Variants in CHL1 observed in about 807,000 individuals in gnomAD.
CHL1 encodes cell adhesion molecule L1 like.
CHL1 carries 96 observed loss-of-function variants against 141.9 expected under a neutral mutation model. That is an observed-to-expected ratio of 0.68 (90% CI 0.57 to 0.80). The LOEUF (loss-of-function observed/expected upper bound fraction) is 0.80, where lower values mean the gene tolerates loss of function less well. CHL1 is among the 30% of genes least tolerant of loss of function. The probability of loss-of-function intolerance (pLI) is 0.00; values close to 1 mark genes in which losing one functional copy is unlikely to be tolerated. For missense variants in CHL1, 1,820 were observed against 1,457.2 expected (o/e 1.25, Z -4.05); for synonymous variants, 613 against 502.2 (o/e 1.22, Z -2.95).
At chr3:279,444 T>A (rs976763516) in intron 2 of CHL1, among the ~76,000 whole-genome samples, 29 of 152,330 alleles carry the variant, frequency 1.9e-4, no homozygotes, top group African/African-American at 6.7e-4. Flanking sequence ...AAAATTCATA[T>A]ACAGCAAAGA....
chr3:322,653 T>G (rs1227186199), intron 3 of CHL1, among the ~76,000 whole-genome samples: 1 of 104,572 alleles, frequency 9.6e-6, no homozygotes, highest in East Asian at 4.5e-4. Flanking sequence ...AAAATATATA[T>G]ATATATATAT....
chr3:265,993 C>T (rs1345646096), intron 2 of CHL1, among the ~76,000 whole-genome samples: 3 of 152,200 alleles, frequency 2.0e-5, no homozygotes, highest in Non-Finnish European at 4.4e-5. Context: ...GGTTCTTAGT[C>T]TGTGTGGCTA....
intron 15 of CHL1, among the ~76,000 whole-genome samples, chr3:374,349 C>T (rs1706029232): frequency 6.6e-6 from 1 of 152,148 alleles, no homozygotes; most frequent in Non-Finnish European, 1.5e-5. Flanking sequence ...GGTTAGGTCT[C>T]CGCTGATCTG....
chr3:299,926 G>A (rs1186046055), intron 2 of CHL1, among the ~76,000 whole-genome samples: 1 of 152,184 alleles, frequency 6.6e-6, no homozygotes, highest in Non-Finnish European at 1.5e-5. Context: ...CATCGAGATT[G>A]CAGCTCCTGG....
At chr3:224,599 G>T (rs1008412800) in intron 1 of CHL1, among the ~76,000 whole-genome samples, 2 of 152,066 alleles carry the variant, frequency 1.3e-5, no homozygotes, top group African/African-American at 2.4e-5. Context: ...CTTCTACCAC[G>T]AGTAAAAACT....
chr3:238,339 C>A lies in CHL1; in HGVS notation c.-174-6274C>A, dbSNP rs113232106. On this transcript the variant is annotated intron_variant, in intron 1 of 27. Transcript: ENST00000256509. The stretch of plus-strand genomic sequence containing the variant: ...TGACTAAAAGCTGAGGTGCTCACAG[C>A]CTTTTCTAGCAATTTAAAAAATCAC... 8.6e-5 allele frequency among the ~76,000 whole-genome samples: 13 copies of A among 151,712 alleles called. No individual in the cohort carries two copies. In the South Asian group the frequency reaches 2.3e-3, roughly 27 times the overall value.
At chr3:200,951 G>A (rs1698870602) in intron 1 of CHL1, among the ~76,000 whole-genome samples, 1 of 152,204 alleles carries the variant, frequency 6.6e-6, no homozygotes, top group Non-Finnish European at 1.5e-5. Flanking sequence ...TCGCAATAGT[G>A]TAGTTAGTTA....
At chr3:402,294 A>C (rs1402092070) in intron 27 of CHL1, among the ~76,000 whole-genome samples, 1 of 152,236 alleles carries the variant, frequency 6.6e-6, no homozygotes, top group Non-Finnish European at 1.5e-5. Flanking sequence ...CACTGGACAG[A>C]GGATGACCAA....
In CHL1 at chr3:237,736, C is replaced by T. The variant is rs113852733; in HGVS notation, c.-174-6877C>T. ...ACCCACATTAAAGGTACTTGTATTA[C>T]GTGAGATTATACTAAATTATTAAAT... On this transcript the variant is annotated intron_variant, in intron 1 of 27. Transcript: ENST00000256509. Among the ~76,000 whole-genome samples, 518 of 152,138 alleles carry T rather than the reference C, an allele frequency of 3.4e-3. 6 individuals are homozygous for T. The highest frequency in any genetic ancestry group is 0.012 in the African/African-American group (499 of 41,516).
At chr3:273,910 G>A (rs1178478803) in intron 2 of CHL1, among the ~76,000 whole-genome samples, 3 of 152,044 alleles carry the variant, frequency 2.0e-5, no homozygotes, top group South Asian at 2.1e-4. Flanking sequence ...ATTTGACCAC[G>A]CCATAATTCT....
intron 1 of CHL1, among the ~76,000 whole-genome samples, chr3:206,010 A>G (rs751689841): frequency 6.6e-6 from 1 of 152,110 alleles, no homozygotes; most frequent in Non-Finnish European, 1.5e-5. Context: ...AGGATTCTCC[A>G]GCTATGGTCT....
At chr3:207,967 A>T (rs534248082) in intron 1 of CHL1, among the ~76,000 whole-genome samples, 33 of 152,200 alleles carry the variant, frequency 2.2e-4, no homozygotes, top group Non-Finnish European at 4.3e-4. Flanking sequence ...ATTGGATTTG[A>T]CCTTAACCAC....
chr3:267,865 C>A (rs1444104404), intron 2 of CHL1, among the ~76,000 whole-genome samples: 4 of 152,138 alleles, frequency 2.6e-5, no homozygotes, highest in Admixed American at 2.6e-4. Flanking sequence ...GAAGCATTTT[C>A]TTGAAGGAGA....
chr3:197,575 A>G (rs1328397099), intron 1 of CHL1: 1 of 337,642 alleles, frequency 3.0e-6, no homozygotes, highest in African/African-American at 2.2e-5. Flanking sequence ...AGACCCCCCC[A>G]GTCCACTGCC....
rs118183015 is a variant in CHL1 at position 284,897 on chromosome 3, A to G, written c.-94-34786A>G. Among the ~76,000 whole-genome samples, 115 of 152,318 alleles carry G rather than the reference A, an allele frequency of 7.5e-4. 4 individuals carry two copies. The South Asian group carries it at 0.02, about 26-fold the overall frequency. Reference sequence around the variant, plus strand: ...CCATTGGTAGTAGATAATGCAATTAAGTACAAAATTCTGCAGAATCTATTA... The same window carrying G: ...CCATTGGTAGTAGATAATGCAATTAGGTACAAAATTCTGCAGAATCTATTA... On this transcript the variant is annotated intron_variant, in intron 2 of 27. Transcript: ENST00000256509.
Position 360,777 on chromosome 3 carries a change from T to G in CHL1, c.1306+353T>G, listed in dbSNP as rs868467673. 3.6e-3 allele frequency among the ~76,000 whole-genome samples: 459 copies of G among 126,710 alleles called. 4 individuals carry two copies. The highest frequency in any genetic ancestry group is 0.013 in the African/African-American group (429 of 31,884). 83.1% of individuals were successfully genotyped at this position (126,710 alleles called of 152,430 possible). A position where few individuals can be genotyped will look rare whatever the true frequency, so the allele number is the denominator to read the frequency against. On this transcript the variant is annotated intron_variant, in intron 12 of 27. Coordinates refer to ENST00000256509, the MANE Select transcript of CHL1 (RefSeq NM_006614.4). ...CCACAACAGTCCCCAGAGTGTGATG[T>G]TCCCCTTCCTGTGTCCATGTGATCT...
intron 2 of CHL1, among the ~76,000 whole-genome samples, chr3:249,374 A>G (rs950423422): frequency 6.6e-6 from 1 of 151,926 alleles, no homozygotes; most frequent in African/African-American, 2.4e-5. Context: ...CAACATCCCC[A>G]CCCTAAAGGA....
At position 233,914 on chromosome 3, in the gene CHL1, T is replaced by G. The variant is rs1468125461; in HGVS notation, c.-174-10699T>G. On this transcript the variant is annotated intron_variant, in intron 1 of 27. Coordinates refer to ENST00000256509, the MANE Select transcript of CHL1 (RefSeq NM_006614.4). ...GTTGGTGATATATTAATATGTTTAA[T>G]CCAAACTTAGTTAGATTTCTAGATC... 2.6e-5 allele frequency among the ~76,000 whole-genome samples: 4 copies of G among 152,120 alleles called. No homozygotes were observed. In the East Asian group the frequency reaches 7.7e-4, roughly 29 times the overall value.
intron 2 of CHL1, among the ~76,000 whole-genome samples, chr3:316,940 A>C: frequency 6.6e-6 from 1 of 152,068 alleles, no homozygotes; most frequent in Non-Finnish European, 1.5e-5. Context: ...TACTGTTGCA[A>C]AATGGAATTC....
Sources: gnomAD v4.1 joint callset for allele counts (sites outside exome capture counted in the v4.1 genomes callset) on GRCh38, gnomAD v4.1.1 for gene constraint, MANE v1.5 for transcripts, NCBI Gene and HGNC (gene_info 2026-07-23, HGNC 2026-07-21) for gene names.